The following CCDC152 variants were observed in gnomAD, a reference collection of about 807,000 sequenced individuals.
The protein encoded by CCDC152 is coiled-coil domain-containing protein 152.
In CCDC152, 37 loss-of-function variants were observed where a neutral mutation model predicts 38.1. The observed-to-expected ratio is 0.97, with a 90% CI of 0.75 to 1.28. CCDC152 has a LOEUF of 1.28. Ranked by LOEUF, CCDC152 falls within the 50% of genes most tolerant of loss-of-function variation. The probability of loss-of-function intolerance (pLI) is 0.00; values close to 1 mark genes in which losing one functional copy is unlikely to be tolerated. For synonymous variants in CCDC152, 83 were observed against 87.1 expected, an observed-to-expected ratio of 0.95 and a Z score of 0.26; for missense variants, 259 against 292.1, an observed-to-expected ratio of 0.89 and a Z score of 0.83.
chr5:42,769,618 T>C lies in CCDC152; in HGVS notation c.215T>C (p.Ile72Thr). 2 of 1,490,928 alleles carry C rather than the reference T, an allele frequency of 1.3e-6. No individual in the cohort carries two copies. The highest frequency in any genetic ancestry group is 1.8e-6 in the Non-Finnish European group (2 of 1,119,464). The allele number at this position is 1,490,928 out of a possible 1,614,324, so 92.4% of individuals were successfully genotyped here. The change falls in exon 4 of 9, where the codon ATA (isoleucine) becomes ACA (threonine). Residue 72 changes from isoleucine (I) to threonine (T), a missense_variant. Ile to Thr is a moderately conservative substitution (Grantham distance 89). Transcript: ENST00000361970. ...TCAGAATGTGCTACTCTTCATAATA[T>C]AATAAAAGGGCTACAACAGACCATT... is the stretch of plus-strand genomic sequence containing the variant. ...IKEECATLHN[I>T]IKGLQQTIEY...
At chr5:42,792,235 T>A (rs1169818272) in intron 6 of CCDC152, among the ~76,000 whole-genome samples, 1 of 152,228 alleles carries the variant, frequency 6.6e-6, no homozygotes, top group African/African-American at 2.4e-5. Flanking sequence ...CATTTAAACA[T>A]CTCTGGAGTT....
At chr5:42,788,659 A>G (rs1759957602) in intron 6 of CCDC152, among the ~76,000 whole-genome samples, 1 of 152,168 alleles carries the variant, frequency 6.6e-6, no homozygotes, top group South Asian at 2.1e-4. Flanking sequence ...AGTGTTCTTT[A>G]TATATTTTTG....
intron 4 of CCDC152, among the ~76,000 whole-genome samples, chr5:42,777,034 TA>T (rs1054616192): frequency 6.6e-6 from 1 of 150,922 alleles, no homozygotes; most frequent in South Asian, 2.1e-4. Context: ...CCAAAATAAG[TA>T]AAAAAAAGAA....
At chr5:42,780,820 T>A (rs1007851312) in intron 5 of CCDC152, among the ~76,000 whole-genome samples, 1 of 152,182 alleles carries the variant, frequency 6.6e-6, no homozygotes, top group African/African-American at 2.4e-5. Flanking sequence ...ATAGAGAGAA[T>A]CATTGTTTTT....
In CCDC152 at chr5:42,799,177, A is replaced by G. The variant is rs184889419; in HGVS notation, c.559-198A>G. 7.9e-5 allele frequency among the ~76,000 whole-genome samples: 12 copies of G among 152,252 alleles called. 1 individual carries two copies. In the East Asian group the frequency reaches 2.3e-3, roughly 29 times the overall value. On this transcript the variant is annotated intron_variant, in intron 7 of 8. Transcript: ENST00000361970. ...CCTCTCCAGGTAATTTTGCCGTGCA[A>G]TCAGGGTTAATCTTGTTTTTCTGTT...
chr5:42,761,703 G>A (rs1282355429), intron 2 of CCDC152, among the ~76,000 whole-genome samples: 1 of 152,162 alleles, frequency 6.6e-6, no homozygotes, highest in Non-Finnish European at 1.5e-5. Flanking sequence ...AACAGCCAAG[G>A]CACAGAACAG....
chr5:42,762,435 T>C lies in CCDC152; in HGVS notation c.88-8T>C. The C allele has an allele frequency of 7.3e-7, 1 of 1,363,212 alleles. No homozygotes were observed. The highest frequency in any genetic ancestry group is 1.0e-6 in the Non-Finnish European group (1 of 984,682). The allele number at this position is 1,363,212 out of a possible 1,614,324, so 84.4% of individuals were successfully genotyped here. ...TTGTTAATAATAAGTATTCTATTTC[T>C]TCTACAGAAAATGGTAGAAACCAAT... On this transcript the variant is annotated splice_polypyrimidine_tract_variant and splice_region_variant and intron_variant, in intron 2 of 8. Transcript: ENST00000361970.
rs1030664367 is a variant in CCDC152, at chr5:42,779,483, T to G, written c.288T>G (p.Ser96Arg). Residue 96 changes from serine to arginine, a missense_variant, in exon 5 of 9, where the codon AGT becomes AGG. Coordinates refer to ENST00000361970, the MANE Select transcript of CCDC152 (RefSeq NM_001134848.2). ...GTGAAAATGAACAACTAAAAATAAG[T>G]GCTGATCTTATAAAAGAGAAGTTAA... ...LKGENEQLKI[S>R]ADLIKEKLKS... 2.6e-6 allele frequency: 4 copies of G among 1,518,258 alleles called. No individual in the cohort carries two copies. Among genetic ancestry groups the G allele is most frequent in the Non-Finnish European group, 3.6e-6 (4 of 1,117,106 alleles). The allele number at this position is 1,518,258 out of a possible 1,614,324, so 94.0% of individuals were successfully genotyped here. A position where few individuals can be genotyped will look rare whatever the true frequency, so the allele number is the denominator to read the frequency against.
At chr5:42,798,552 C>T (rs1478695408) in intron 7 of CCDC152, among the ~76,000 whole-genome samples, 1 of 152,232 alleles carries the variant, frequency 6.6e-6, no homozygotes, top group Non-Finnish European at 1.5e-5. Context: ...TCAAGATCTA[C>T]TACCAACTTC....
intron 6 of CCDC152, among the ~76,000 whole-genome samples, chr5:42,787,024 ATT>A (rs1255163272): frequency 6.6e-6 from 1 of 151,898 alleles, no homozygotes; most frequent in East Asian, 1.9e-4. Context: ...GTTTGATATA[ATT>A]TTATTTAAAA....
chr5:42,773,102 T>C (rs750694602), intron 4 of CCDC152, among the ~76,000 whole-genome samples: 7 of 152,192 alleles, frequency 4.6e-5, no homozygotes, highest in Non-Finnish European at 8.8e-5. Flanking sequence ...CTAAAAATCA[T>C]GCCAGCAGGA....
chr5:42,780,888 A>T (rs1295192612), intron 5 of CCDC152, among the ~76,000 whole-genome samples: 2 of 152,230 alleles, frequency 1.3e-5, no homozygotes, highest in Non-Finnish European at 2.9e-5. Context: ...CAGAAAGCAT[A>T]TGAAAAGAAG....
At chr5:42,763,216 GA>G (rs1475536789) in intron 3 of CCDC152, among the ~76,000 whole-genome samples, 2 of 152,176 alleles carry the variant, frequency 1.3e-5, no homozygotes, top group African/African-American at 2.4e-5. Flanking sequence ...GGAGTATGTT[GA>G]AAGTGAGACA....
rs779003528 is a variant in CCDC152, at chr5:42,800,724, T to C, written c.*943T>C. ...AGTATGTCCTATTTTAAATATTTAGTTTGAAGGTCATTCTCACTTTTTTGC... is the reference window on the plus strand; with the variant it reads ...AGTATGTCCTATTTTAAATATTTAGCTTGAAGGTCATTCTCACTTTTTTGC... On this transcript the variant is annotated 3_prime_UTR_variant, in exon 9 of 9. Transcript: ENST00000361970. 15 of 1,601,102 alleles carry C rather than the reference T, an allele frequency of 9.4e-6. No homozygotes were observed. The highest frequency in any genetic ancestry group is 5.6e-5 in the South Asian group (5 of 89,846).
intron 6 of CCDC152, among the ~76,000 whole-genome samples, chr5:42,795,452 A>G (rs986813763): frequency 6.6e-6 from 1 of 152,240 alleles, no homozygotes; most frequent in Non-Finnish European, 1.5e-5. Flanking sequence ...TTCACCTTTT[A>G]GTGGTAGAAA....
chr5:42,777,859 T>A lies in CCDC152; in HGVS notation c.263-1599T>A, dbSNP rs534080290. ...CTTTACTGATTTGTCATTGTTTTGTTTAGCTAATTCTTAGTTTTGTTTATA... is the reference window on the plus strand; with the variant it reads ...CTTTACTGATTTGTCATTGTTTTGTATAGCTAATTCTTAGTTTTGTTTATA... On this transcript the variant is annotated intron_variant, in intron 4 of 8. Transcript: ENST00000361970. Among the ~76,000 whole-genome samples the A allele has an allele frequency of 2.0e-5, 3 of 152,310 alleles. No individual in the cohort carries two copies. In the South Asian group the frequency reaches 6.2e-4, roughly 32 times the overall value.
chr5:42,761,472 G>A (rs4866958), intron 2 of CCDC152, among the ~76,000 whole-genome samples: 39,411 of 152,000 alleles, frequency 0.26, 5,712 homozygotes, highest in Admixed American at 0.38. Context: ...AAAATTAGCC[G>A]GGTGTGGTGG....
intron 4 of CCDC152, among the ~76,000 whole-genome samples, chr5:42,777,169 A>G (rs1015243823): frequency 1.3e-5 from 2 of 152,178 alleles, no homozygotes; most frequent in Non-Finnish European, 2.9e-5. Flanking sequence ...AGATGAACTA[A>G]GGAAATAGGA....
chr5:42,783,059 A>G (rs1398055574), intron 5 of CCDC152, among the ~76,000 whole-genome samples: 4 of 151,868 alleles, frequency 2.6e-5, no homozygotes, highest in African/African-American at 7.3e-5. Context: ...TTTAGTAGAG[A>G]TGGGGTTTCA....
Sources: gnomAD v4.1 joint callset for allele counts (sites outside exome capture counted in the v4.1 genomes callset) on GRCh38, gnomAD v4.1.1 for gene constraint, MANE v1.5 for transcripts, NCBI Gene and HGNC (gene_info 2026-07-23, HGNC 2026-07-21) for gene names.